The following ZC3H3 variants were observed in gnomAD, a reference collection of about 807,000 sequenced individuals.
The protein encoded by ZC3H3 is zinc finger CCCH domain-containing protein 3.
Under a neutral mutation model 77.3 loss-of-function variants are expected in ZC3H3, and 36 were observed. The ratio of observed to expected loss-of-function variants is 0.47; its 90% CI spans 0.36 to 0.61. The LOEUF (loss-of-function observed/expected upper bound fraction) is 0.61. ZC3H3 is among the 20% of genes least tolerant of loss of function. The pLI, the probability that ZC3H3 is intolerant of heterozygous loss-of-function variation, is 0.00. For synonymous variants in ZC3H3, 626 were observed against 555.2 expected (o/e 1.13, Z -1.79); for missense variants, 1,331 against 1,312.2 (o/e 1.01, Z -0.22).
chr8:143,502,351 G>A (rs559589476), intron 4 of ZC3H3, among the ~76,000 whole-genome samples: 14 of 152,388 alleles, frequency 9.2e-5, no homozygotes, highest in South Asian at 6.2e-4. Context: ...GGAGACACGC[G>A]TGGGGAGCGC....
At chr8:143,441,228 T>C (rs1316311383) in intron 9 of ZC3H3, 108 bp from the exon 10 acceptor site, 20 of 1,181,702 alleles carry the variant, frequency 1.7e-5, no homozygotes, top group South Asian at 2.2e-5. Context: ...CGGGGCCCCA[T>C]AGGCTCCGTC....
chr8:143,516,566 C>CAT (rs374207522), intron 3 of ZC3H3, among the ~76,000 whole-genome samples: 61 of 92,870 alleles, frequency 6.6e-4, no homozygotes, highest in African/African-American at 2.9e-3. Flanking sequence ...CACACACACA[C>CAT]ATACACACAC....
intron 4 of ZC3H3, among the ~76,000 whole-genome samples, chr8:143,485,099 A>G (rs187695341): frequency 2.7e-4 from 41 of 152,270 alleles, no homozygotes; most frequent in African/African-American, 9.6e-4. Flanking sequence ...AGCCAGAAAC[A>G]CTCTCAAATA....
intron 5 of ZC3H3, among the ~76,000 whole-genome samples, chr8:143,474,669 G>A (rs1172752376): frequency 9.2e-5 from 14 of 152,196 alleles, no homozygotes; most frequent in African/African-American, 9.7e-5. Context: ...GCGGGTCGGG[G>A]AGCCAGCATG....
intron 9 of ZC3H3, among the ~76,000 whole-genome samples, chr8:143,463,401 A>AT (rs2129858881): frequency 6.6e-6 from 1 of 152,328 alleles, no homozygotes; most frequent in East Asian, 1.9e-4. Context: ...ACTGTCAGGC[A>AT]CATCATAAGG....
At chr8:143,484,799 C>T (rs2294119) in intron 4 of ZC3H3, 65,084 of 418,936 alleles carry the variant, frequency 0.16, 6,248 homozygotes, top group East Asian at 0.45. Flanking sequence ...CAGGTCACTG[C>T]TGTCTAAAGA....
At chr8:143,476,919 C>G (rs532360104) in intron 4 of ZC3H3, among the ~76,000 whole-genome samples, 269 of 152,348 alleles carry the variant, frequency 1.8e-3, no homozygotes, top group African/African-American at 6.3e-3. Flanking sequence ...GGTGGGGTGC[C>G]CCCTAGACCC....
chr8:143,465,888 C>T (rs1820395264), intron 8 of ZC3H3, 40 bp from the exon 9 acceptor site: 2 of 1,590,902 alleles, frequency 1.3e-6, no homozygotes, highest in Non-Finnish European at 1.7e-6. Context: ...CAGGCAGCCA[C>T]CCTCCAGGGC....
At chr8:143,471,286 G>C (rs900778543) in intron 5 of ZC3H3, among the ~76,000 whole-genome samples, 8 of 152,256 alleles carry the variant, frequency 5.3e-5, no homozygotes, top group Admixed American at 6.5e-5. Context: ...GCCCTTGGGA[G>C]AAGGCAGCCA....
chr8:143,439,151 C>A (rs1384061955), intron 11 of ZC3H3, among the ~76,000 whole-genome samples: 1 of 151,618 alleles, frequency 6.6e-6, no homozygotes, highest in Non-Finnish European at 1.5e-5. Flanking sequence ...GCCCCATCTG[C>A]TCCCCGACCC....
Position 143,478,098 on chromosome 8 carries a change from C to A in ZC3H3, c.1716-2513G>T, listed in dbSNP as rs543846942. Among the ~76,000 whole-genome samples, 8 of 152,304 alleles carry A rather than the reference C, an allele frequency of 5.3e-5. No homozygotes were observed. In the East Asian group the frequency reaches 1.4e-3, roughly 26 times the overall value. On this transcript the variant is annotated intron_variant, in intron 4 of 11. Coordinates refer to ENST00000262577, the MANE Select transcript of ZC3H3 (RefSeq NM_015117.3). Reference sequence around the variant, plus strand: ...CCTGGCCGCCACAAAGCAGGAAGGACGAGCAGGCAACAGAGCCAACCCAGC... The same window carrying A: ...CCTGGCCGCCACAAAGCAGGAAGGAAGAGCAGGCAACAGAGCCAACCCAGC...
intron 3 of ZC3H3, among the ~76,000 whole-genome samples, chr8:143,509,343 C>T (rs1313050818): frequency 6.6e-6 from 1 of 152,102 alleles, no homozygotes; most frequent in Non-Finnish European, 1.5e-5. Context: ...GAGGTGACCT[C>T]ACCACCTTCC....
At chr8:143,500,977 CTTTTT>C (rs36081285) in intron 4 of ZC3H3, among the ~76,000 whole-genome samples, 1 of 134,106 alleles carries the variant, frequency 7.5e-6, no homozygotes. Context: ...CATGCCCGAC[CTTTTT>C]TTTTTTTTTT....
At chr8:143,466,217 T>C (rs1243750715) in intron 8 of ZC3H3, among the ~76,000 whole-genome samples, 3 of 151,970 alleles carry the variant, frequency 2.0e-5, no homozygotes. Context: ...AGGGCTGCCC[T>C]TGGAGCCTCT....
chr8:143,461,810 C>G (rs1309104915), intron 9 of ZC3H3, among the ~76,000 whole-genome samples: 1 of 151,566 alleles, frequency 6.6e-6, no homozygotes, highest in Admixed American at 6.6e-5. Context: ...TGTTAGGGGC[C>G]GGGACTGATG....
chr8:143,523,587 A>C, intron 3 of ZC3H3: 4 of 965,224 alleles, frequency 4.1e-6, no homozygotes, highest in Non-Finnish European at 3.7e-6. Context: ...ACCACAGCTC[A>C]GAATTCCAGG....
At position 143,494,858 on chromosome 8, in the gene ZC3H3, G is replaced by A. The variant is rs1055426567; in HGVS notation, c.1715+12888C>T. Among the ~76,000 whole-genome samples, 10 of 152,190 alleles carry A rather than the reference G, an allele frequency of 6.6e-5. No homozygotes were observed. The highest frequency in any genetic ancestry group is 2.0e-4 in the Admixed American group (3 of 15,284). Reference sequence around the variant, plus strand: ...AACGGCCTGAGCAGACCTTTCACACGGGAAGACCACCAGTGGCCTTACGTT... The same window carrying A: ...AACGGCCTGAGCAGACCTTTCACACAGGAAGACCACCAGTGGCCTTACGTT... On this transcript the variant is annotated intron_variant, in intron 4 of 11. Coordinates refer to ENST00000262577, the MANE Select transcript of ZC3H3 (RefSeq NM_015117.3). This position sits in a 1 kb window ranked among gnomAD's most constrained non-coding sequence, Gnocchi z 5.3.
intron 4 of ZC3H3, among the ~76,000 whole-genome samples, chr8:143,498,283 T>C (rs184512282): frequency 6.6e-6 from 1 of 152,258 alleles, no homozygotes; most frequent in South Asian, 2.1e-4. Context: ...CACCCCTCTA[T>C]GTGAAGCCCT....
At chr8:143,442,403 G>A (rs1467969973) in intron 9 of ZC3H3, among the ~76,000 whole-genome samples, 3 of 121,910 alleles carry the variant, frequency 2.5e-5, no homozygotes, top group African/African-American at 9.3e-5. Context: ...CAGGGGCCGG[G>A]GGGGGTGGGG....
Sources: gnomAD v4.1 joint callset for allele counts (sites outside exome capture counted in the v4.1 genomes callset) on GRCh38, gnomAD v4.1.1 for gene constraint, Gnocchi (gnomAD v3.1) non-coding constraint, MANE v1.5 for transcripts, NCBI Gene and HGNC (gene_info 2026-07-23, HGNC 2026-07-21) for gene names.